HLA-DQA2: variants seen among roughly 807,000 people sequenced by gnomAD.
The protein encoded by HLA-DQA2 is HLA class II histocompatibility antigen, DQ alpha 2 chain.
Under a neutral mutation model 21.0 loss-of-function variants are expected in HLA-DQA2, and 17 were observed. The ratio of observed to expected loss-of-function variants is 0.81; its 90% confidence interval spans 0.56 to 1.22. HLA-DQA2 has a LOEUF of 1.22. Among genes scored for constraint, HLA-DQA2 ranks in the 50% most tolerant of loss-of-function variants. HLA-DQA2 has a pLI of 0.00. For missense variants in HLA-DQA2, 239 were observed against 308.8 expected (o/e 0.77, Z 1.69); for synonymous variants, 81 against 116.5 (o/e 0.70, Z 1.96).
intron 1 of HLA-DQA2, among the ~76,000 whole-genome samples, chr6:32,744,239 C>T (rs1280547683): frequency 6.6e-6 from 1 of 152,202 alleles, no homozygotes; most frequent in Non-Finnish European, 1.5e-5. Context: ...GTAAAGGGCT[C>T]ACACATGTCT....
In HLA-DQA2 at chr6:32,746,220, C is replaced by A. The variant is rs758157631; in HGVS notation, c.614-20C>A. ...ATGAGCACACTGCACATTCTGACCT[C>A]AACAGCTCCACTTTCACAGAGCCTG... is the stretch of plus-strand genomic sequence containing the variant. On this transcript the variant is annotated intron_variant, in intron 3 of 4. Transcript: ENST00000374940. 1 of 1,612,786 alleles carries A rather than the reference C, an allele frequency of 6.2e-7. No individual in the cohort carries two copies. The highest frequency in any genetic ancestry group is 1.7e-5 in the Admixed American group (1 of 59,972).
chr6:32,746,727 G>A lies in HLA-DQA2; in HGVS notation c.*166G>A. 1 of 571,214 alleles carries A rather than the reference G, an allele frequency of 1.8e-6. No individual in the cohort carries two copies. The highest frequency in any genetic ancestry group is 1.5e-5 in the South Asian group (1 of 64,866). 35.4% of individuals were successfully genotyped at this position (571,214 alleles called of 1,614,324 possible). A position where few individuals can be genotyped will look rare whatever the true frequency, so the allele number is the denominator to read the frequency against. ...GGACTTAAGGTGCTATATTCCCTCA[G>A]AGCTCACAAATGCCTTTCAATTCTT... On this transcript the variant is annotated 3_prime_UTR_variant, in exon 5 of 5. Coordinates refer to ENST00000374940, the MANE Select transcript of HLA-DQA2 (RefSeq NM_020056.5).
chr6:32,742,129 C>T (rs563737267), intron 1 of HLA-DQA2, among the ~76,000 whole-genome samples: 24 of 152,258 alleles, frequency 1.6e-4, no homozygotes, highest in Non-Finnish European at 2.6e-4. Flanking sequence ...ATATATGTCA[C>T]CTCGCTTATG....
At position 32,746,071 on chromosome 6, in the gene HLA-DQA2, G is replaced by A. The variant is rs145976370; in HGVS notation, c.612G>A (p.Trp204Ter). Reference protein sequence around the residue: ...WGLDEPLLKHWEPEIPAPMSE... With the variant: ...WGLDEPLLKH ...TGGACGAGCCTCTTCTGAAACACTG[G>A]GGTAAGGATGAGTTCCACCACTTCA... Residue 204 changes from tryptophan to a stop codon, truncating the protein, a stop_gained and splice_region_variant, in exon 3 of 5, where the codon TGG (tryptophan) becomes TGA (stop). Transcript: ENST00000374940. LOFTEE classifies it high-confidence loss of function. 6.2e-7 allele frequency: 1 copy of A among 1,610,750 alleles called. No individual in the cohort carries two copies. The highest frequency in any genetic ancestry group is 8.5e-7 in the Non-Finnish European group (1 of 1,179,178).
chr6:32,745,909 T>C lies in HLA-DQA2; in HGVS notation c.450T>C (p.Asn150=). ...PPVVNITWLS[N]GHSVTEGVSE... is the part of the protein sequence containing the mutation. Reference sequence around the variant, plus strand: ...TGGTCAACATCACCTGGCTGAGCAATGGGCACTCAGTCACAGAAGGTGTTT... The same window carrying C: ...TGGTCAACATCACCTGGCTGAGCAACGGGCACTCAGTCACAGAAGGTGTTT... The change falls in exon 3 of 5, where the codon AAT becomes AAC. Residue 150 remains asparagine, a synonymous_variant. Transcript: ENST00000374940. The C allele has an allele frequency of 6.2e-7, 1 of 1,613,176 alleles. No individual in the cohort carries two copies. Among genetic ancestry groups the C allele is most frequent in the Non-Finnish European group, 8.5e-7 (1 of 1,180,046 alleles).
chr6:32,741,938 G>T (rs891449524), intron 1 of HLA-DQA2, among the ~76,000 whole-genome samples: 9 of 152,080 alleles, frequency 5.9e-5, no homozygotes, highest in African/African-American at 2.2e-4. Flanking sequence ...GGGGTAGATA[G>T]TTCCATGAAG....
Position 32,745,416 on chromosome 6 carries a change from C to T in HLA-DQA2, c.331+9C>T. On this transcript the variant is annotated intron_variant, in intron 2 of 4. Transcript: ENST00000374940. ...TACCGCTGCCACCAATGGTACGTGT[C>T]CACCATTCCGCCTCTCTTTACTGAA... is the stretch of plus-strand genomic sequence containing the variant. The T allele has an allele frequency of 6.2e-7, 1 of 1,608,030 alleles. No homozygotes were observed. The highest frequency in any genetic ancestry group is 1.4e-5 in the African/African-American group (1 of 73,488).
chr6:32,741,616 A>C, intron 1 of HLA-DQA2, 91 bp downstream of exon 1: 1 of 1,234,146 alleles, frequency 8.1e-7, no homozygotes, highest in Non-Finnish European at 1.2e-6. Context: ...AATAGTAGAA[A>C]TTTCCCAAGG....
At chr6:32,744,923 G>A (rs866425319) in intron 1 of HLA-DQA2, among the ~76,000 whole-genome samples, 7 of 152,190 alleles carry the variant, frequency 4.6e-5, no homozygotes, top group African/African-American at 1.7e-4. Context: ...GGAAATAACA[G>A]ACGTGTGACG....
rs758961074 is a variant in HLA-DQA2 at position 32,745,903 on chromosome 6, G to C, written c.444G>C (p.Leu148=). The C allele has an allele frequency of 1.2e-6, 2 of 1,613,158 alleles. No individual in the cohort carries two copies. The highest frequency in any genetic ancestry group is 2.2e-5 in the South Asian group (2 of 91,088). ...CTCCTGTGGTCAACATCACCTGGCT[G>C]AGCAATGGGCACTCAGTCACAGAAG... is the stretch of plus-strand genomic sequence containing the variant. ...IFPPVVNITW[L]SNGHSVTEGV... The change falls in exon 3 of 5, where the codon CTG becomes CTC. Residue 148 remains leucine (L), a synonymous_variant. Transcript: ENST00000374940.
In HLA-DQA2 at chr6:32,745,915, C is replaced by G. The variant is rs746449452; in HGVS notation, c.456C>G (p.His152Gln). The change falls in exon 3 of 5, where the codon CAC becomes CAG. Residue 152 changes from histidine to glutamine, a missense_variant. Transcript: ENST00000374940. ...ACATCACCTGGCTGAGCAATGGGCA[C>G]TCAGTCACAGAAGGTGTTTCTGAGA... is the stretch of plus-strand genomic sequence containing the variant. The part of the protein sequence containing the change: ...VVNITWLSNG[H>Q]SVTEGVSETS... 1.8e-5 allele frequency: 29 copies of G among 1,613,070 alleles called. No homozygotes were observed. Among genetic ancestry groups the G allele is most frequent in the South Asian group, 9.9e-5 (9 of 91,092 alleles).
At position 32,746,064 on chromosome 6, in the gene HLA-DQA2, A is replaced by G; in HGVS notation, c.605A>G (p.Lys202Arg). ...EHWGLDEPLL[K>R]HWEPEIPAPM... Reference sequence around the variant, plus strand: ...TGGGGCCTGGACGAGCCTCTTCTGAAACACTGGGGTAAGGATGAGTTCCAC... The same window carrying G: ...TGGGGCCTGGACGAGCCTCTTCTGAGACACTGGGGTAAGGATGAGTTCCAC... The change falls in exon 3 of 5, where the codon AAA becomes AGA. Residue 202 changes from lysine (K) to arginine (R), a missense_variant. Lys to Arg is a conservative substitution (Grantham distance 26). Coordinates refer to ENST00000374940, the MANE Select transcript of HLA-DQA2 (RefSeq NM_020056.5). The G allele has an allele frequency of 1.2e-6, 2 of 1,612,372 alleles. No homozygotes were observed. Among genetic ancestry groups the G allele is most frequent in the South Asian group, 1.1e-5 (1 of 91,056 alleles).
In HLA-DQA2 at chr6:32,745,415, T is replaced by G. The variant is rs1410698107; in HGVS notation, c.331+8T>G. 6.2e-7 allele frequency: 1 copy of G among 1,609,068 alleles called. No individual in the cohort carries two copies. The highest frequency in any genetic ancestry group is 1.7e-5 in the Admixed American group (1 of 59,440). The stretch of plus-strand genomic sequence containing the variant: ...CTACCGCTGCCACCAATGGTACGTG[T>G]CCACCATTCCGCCTCTCTTTACTGA... On this transcript the variant is annotated splice_region_variant and intron_variant, in intron 2 of 4. Transcript: ENST00000374940.
chr6:32,741,588 G>A, intron 1 of HLA-DQA2, 63 bp downstream of exon 1: 1 of 1,403,568 alleles, frequency 7.1e-7, no homozygotes, highest in Non-Finnish European at 9.8e-7. Flanking sequence ...GGAAAAGAGA[G>A]AGTGTAATTT....
chr6:32,746,195 A>G lies in HLA-DQA2; in HGVS notation c.614-45A>G, dbSNP rs375166343. Reference sequence around the variant, plus strand: ...CCCATCCCATCCCACACACATGCACATGAGCACACTGCACATTCTGACCTC... The same window carrying G: ...CCCATCCCATCCCACACACATGCACGTGAGCACACTGCACATTCTGACCTC... On this transcript the variant is annotated intron_variant, in intron 3 of 4. Transcript: ENST00000374940. 11 of 1,606,082 alleles carry G rather than the reference A, an allele frequency of 6.8e-6. No individual in the cohort carries two copies. In the African/African-American group the frequency reaches 8.2e-5, roughly 12 times the overall value.
intron 1 of HLA-DQA2, 145 bp downstream of exon 1, chr6:32,741,670 C>A: frequency 9.6e-6 from 7 of 729,936 alleles, no homozygotes; most frequent in Non-Finnish European, 1.7e-5. Flanking sequence ...GCAGTTCCTC[C>A]TTTAGGAAAC....
intron 1 of HLA-DQA2, 101 bp downstream of exon 1, chr6:32,741,626 G>C (rs1260420148): frequency 4.7e-6 from 5 of 1,073,454 alleles, no homozygotes; most frequent in Non-Finnish European, 6.8e-6. Context: ...ATTTCCCAAG[G>C]GTCTTTTCAA....
At chr6:32,742,233 G>A (rs4403295) in intron 1 of HLA-DQA2, among the ~76,000 whole-genome samples, 6 of 152,046 alleles carry the variant, frequency 3.9e-5, no homozygotes, top group East Asian at 1.9e-4. Flanking sequence ...GTATAACTTC[G>A]TATTTTTTCT....
intron 1 of HLA-DQA2, among the ~76,000 whole-genome samples, chr6:32,742,928 C>G (rs1038401472): frequency 1.1e-4 from 16 of 143,848 alleles, no homozygotes; most frequent in Non-Finnish European, 2.4e-4. Flanking sequence ...TGCAGTGGCA[C>G]GATCTCGGCT....
Sources: allele counts gnomAD v4.1 joint callset (sites outside exome capture counted in the v4.1 genomes callset), GRCh38; gene constraint gnomAD v4.1.1; transcripts MANE v1.5; gene names NCBI Gene and HGNC (gene_info 2026-07-23, HGNC 2026-07-21).